The following CSMD1 variants were observed in gnomAD, a reference collection of about 807,000 sequenced individuals.
CSMD1 encodes CUB and sushi domain-containing protein 1.
Under a neutral mutation model 417.5 loss-of-function variants are expected in CSMD1, and 213 were observed. That is an observed-to-expected ratio of 0.51 (90% CI 0.46 to 0.57). The LOEUF (loss-of-function observed/expected upper bound fraction) is 0.57, where lower values mean the gene tolerates loss of function less well. CSMD1 is among the 20% of genes least tolerant of loss of function. CSMD1 has a pLI of 0.00. For missense variants in CSMD1, 6,923 were observed against 4,529.7 expected (o/e 1.53, Z -15.17); for synonymous variants, 2,862 against 1,736.8 (o/e 1.65, Z -16.11).
chr8:3,220,490 C>T (rs997939611), intron 28 of CSMD1, among the ~76,000 whole-genome samples: 3 of 152,156 alleles, frequency 2.0e-5, no homozygotes, highest in African/African-American at 7.2e-5. Flanking sequence ...GTTAAGATGT[C>T]TAAGATCTTG....
chr8:3,556,673 C>A (rs889902061), intron 10 of CSMD1, among the ~76,000 whole-genome samples: 1 of 151,674 alleles, frequency 6.6e-6, no homozygotes, highest in Non-Finnish European at 1.5e-5. Flanking sequence ...ATGGTAATTG[C>A]GTCTCTCTAC....
chr8:3,586,041 C>A, intron 9 of CSMD1, 95 bp downstream of exon 9: 2 of 1,271,610 alleles, frequency 1.6e-6, no homozygotes, highest in Non-Finnish European at 2.2e-6. Context: ...CTACTCTTCC[C>A]ATACACAATG....
intron 26 of CSMD1, among the ~76,000 whole-genome samples, chr8:3,264,160 A>G (rs184203421): frequency 5.5e-4 from 84 of 152,322 alleles, no homozygotes; most frequent in Admixed American, 1.2e-3. Flanking sequence ...TATGAACAAT[A>G]AAAATCTGTA....
At chr8:3,137,978 A>T (rs1818205057) in intron 41 of CSMD1, among the ~76,000 whole-genome samples, 2 of 152,216 alleles carry the variant, frequency 1.3e-5, no homozygotes, top group African/African-American at 4.8e-5. Flanking sequence ...TAATCCCAGC[A>T]CTTTGGGAGG....
chr8:4,411,143 C>T (rs971654690), intron 3 of CSMD1, among the ~76,000 whole-genome samples: 1 of 152,162 alleles, frequency 6.6e-6, no homozygotes, highest in East Asian at 1.9e-4. Flanking sequence ...CCATGAGATA[C>T]ATCTCTTTCC....
At chr8:3,959,138 T>A (rs1228110320) in intron 5 of CSMD1, among the ~76,000 whole-genome samples, 2 of 152,216 alleles carry the variant, frequency 1.3e-5, no homozygotes, top group Admixed American at 6.5e-5. Context: ...AGTCTTTACA[T>A]ATTTAAAAGC....
chr8:3,841,364 G>C (rs141386472), intron 5 of CSMD1, among the ~76,000 whole-genome samples: 2 of 152,038 alleles, frequency 1.3e-5, no homozygotes, highest in African/African-American at 4.8e-5. Context: ...CCATGCTTTC[G>C]TTATGTGGTT....
chr8:3,633,100 A>G (rs1734326832), intron 7 of CSMD1, among the ~76,000 whole-genome samples: 2 of 152,248 alleles, frequency 1.3e-5, no homozygotes, highest in Admixed American at 1.3e-4. Context: ...TGCTGACGTC[A>G]TTGTTTTAAC....
intron 7 of CSMD1, among the ~76,000 whole-genome samples, chr8:3,670,988 TG>T (rs1228305260): frequency 1.5e-5 from 2 of 136,708 alleles, no homozygotes; most frequent in African/African-American, 5.5e-5. Flanking sequence ...TATATGTATA[TG>T]GGATATATAT....
intron 1 of CSMD1, among the ~76,000 whole-genome samples, chr8:4,853,437 C>G (rs958679061): frequency 2.0e-5 from 3 of 152,206 alleles, no homozygotes; most frequent in Admixed American, 6.5e-5. Context: ...ATAAGCTTGG[C>G]AGCTTCAACA....
intron 3 of CSMD1, among the ~76,000 whole-genome samples, chr8:4,224,225 C>A (rs1444972599): frequency 7.1e-5 from 1 of 14,078 alleles, no homozygotes; most frequent in African/African-American, 2.9e-4. Flanking sequence ...CCTAAAAAGG[C>A]CTTTTTCAGA....
chr8:4,775,101 G>T (rs1417424837), intron 1 of CSMD1, among the ~76,000 whole-genome samples: 2 of 152,184 alleles, frequency 1.3e-5, no homozygotes, highest in Admixed American at 1.3e-4. Context: ...AAGAGCAACA[G>T]AAGGAAATAT....
chr8:4,126,693 G>C (rs922270196), intron 3 of CSMD1, among the ~76,000 whole-genome samples: 1 of 152,034 alleles, frequency 6.6e-6, no homozygotes, highest in African/African-American at 2.4e-5. Flanking sequence ...ATCATTGGTT[G>C]GTTACTTCAC....
intron 5 of CSMD1, among the ~76,000 whole-genome samples, chr8:3,840,978 A>C (rs550890399): frequency 1.3e-5 from 2 of 152,194 alleles, no homozygotes; most frequent in East Asian, 3.9e-4. Context: ...AAGTGCTCAG[A>C]TTACAGGCAT....
chr8:3,213,800 T>G (rs554673920), intron 30 of CSMD1, among the ~76,000 whole-genome samples: 1 of 150,888 alleles, frequency 6.6e-6, no homozygotes, highest in South Asian at 2.1e-4. Flanking sequence ...TGTATGAGAC[T>G]CCATCTCATA....
chr8:3,159,806 T>G (rs1222981683), intron 38 of CSMD1, among the ~76,000 whole-genome samples: 1 of 152,204 alleles, frequency 6.6e-6, no homozygotes, highest in Non-Finnish European at 1.5e-5. Flanking sequence ...AAGCAGCATA[T>G]TCAATAATCC....
chr8:4,105,883 G>A (rs897223502), intron 3 of CSMD1, among the ~76,000 whole-genome samples: 2 of 152,230 alleles, frequency 1.3e-5, no homozygotes. Flanking sequence ...ACAGGACACA[G>A]CTCGGCTCTG....
rs72080091 is a variant in CSMD1, at chr8:2,973,664, G to GAAAAAA, written c.8741-371_8741-366dup. Among the ~76,000 whole-genome samples, 265 of 147,694 alleles carry GAAAAAA rather than the reference G, an allele frequency of 1.8e-3. 1 individual carries two copies. Among genetic ancestry groups the GAAAAAA allele is most frequent in the African/African-American group, 6.3e-3 (254 of 40,116 alleles). On this transcript the variant is annotated intron_variant, in intron 56 of 69. Coordinates refer to ENST00000635120, the MANE Select transcript of CSMD1 (RefSeq NM_033225.6). ...GCTTTAGGTAAACAGGGAATGTGGG[G>GAAAAAA]AAAAAAAAAAAAAAAGTCAAAGGAG...
intron 54 of CSMD1, among the ~76,000 whole-genome samples, chr8:2,983,301 C>G (rs1308413654): frequency 1.3e-5 from 2 of 152,080 alleles, no homozygotes; most frequent in Non-Finnish European, 2.9e-5. Context: ...ATTCTCCTGC[C>G]TCAGCCTCCC....
Sources: gnomAD v4.1 joint callset for allele counts (sites outside exome capture counted in the v4.1 genomes callset) on GRCh38, gnomAD v4.1.1 for gene constraint, MANE v1.5 for transcripts, NCBI Gene and HGNC (gene_info 2026-07-23, HGNC 2026-07-21) for gene names.